The following ANKS1B variants were observed in gnomAD, a reference collection of about 807,000 sequenced individuals.
ANKS1B encodes the protein ankyrin repeat and sterile alpha motif domain-containing protein 1B.
In ANKS1B, 36 loss-of-function variants were observed where a neutral mutation model predicts 148.3. The ratio of observed to expected loss-of-function variants is 0.24; its 90% CI spans 0.19 to 0.32. The LOEUF is 0.32. Among genes scored for constraint, ANKS1B ranks in the 10% least tolerant of loss-of-function variants. The pLI, the probability that ANKS1B is intolerant of heterozygous loss-of-function variation, is 1.00. For missense variants in ANKS1B, 1,157 were observed against 1,542.6 expected (o/e 0.75, Z 4.19); for synonymous variants, 542 against 560.8 (o/e 0.97, Z 0.47).
intron 15 of ANKS1B, chr12:99,099,796 C>T (rs756628175): frequency 6.6e-6 from 1 of 152,094 alleles, no homozygotes. Flanking sequence ...TTACACAGAA[C>T]ATTAAATAGT....
At chr12:99,953,637 G>A (rs2095266710) in intron 1 of ANKS1B, among the ~76,000 whole-genome samples, 1 of 151,792 alleles carries the variant, frequency 6.6e-6, no homozygotes, top group African/African-American at 2.4e-5. Flanking sequence ...AAAGATTTGA[G>A]GAAAGAATGT....
At chr12:98,969,436 T>C (rs1374994683) in intron 17 of ANKS1B, among the ~76,000 whole-genome samples, 1 of 152,158 alleles carries the variant, frequency 6.6e-6, no homozygotes, top group Non-Finnish European at 1.5e-5. Flanking sequence ...TCTATGGGCA[T>C]TTTTGTTGTT....
intron 4 of ANKS1B, among the ~76,000 whole-genome samples, chr12:99,798,459 CAACTTA>C (rs1223329155): frequency 8.0e-5 from 12 of 149,382 alleles, no homozygotes; most frequent in Non-Finnish European, 1.6e-4. Context: ...GATAACAACT[CAACTTA>C]GTGTTTGACA....
chr12:98,805,077 A>G (rs1018377798), intron 20 of ANKS1B, among the ~76,000 whole-genome samples: 47 of 152,310 alleles, frequency 3.1e-4, no homozygotes, highest in African/African-American at 9.4e-4. Flanking sequence ...TTATTGACAC[A>G]GTGGTCTTTG....
intron 1 of ANKS1B, among the ~76,000 whole-genome samples, chr12:99,908,102 G>T (rs11110116): frequency 6.6e-6 from 1 of 152,102 alleles, no homozygotes; most frequent in Non-Finnish European, 1.5e-5. Flanking sequence ...GTTGAAATCA[G>T]AATAATAGCA....
At chr12:99,852,111 T>C (rs2087973041) in intron 1 of ANKS1B, among the ~76,000 whole-genome samples, 1 of 152,214 alleles carries the variant, frequency 6.6e-6, no homozygotes, top group African/African-American at 2.4e-5. Flanking sequence ...AATTAATTAA[T>C]GGTCAAAGGT....
At chr12:99,617,944 C>T (rs1198409200) in intron 9 of ANKS1B, among the ~76,000 whole-genome samples, 2 of 151,990 alleles carry the variant, frequency 1.3e-5, no homozygotes, top group Admixed American at 6.6e-5. Context: ...CCTCCAATAG[C>T]CTCTCTTTTG....
intron 1 of ANKS1B, among the ~76,000 whole-genome samples, chr12:99,961,992 T>C (rs766978180): frequency 1.3e-5 from 2 of 152,134 alleles, no homozygotes; most frequent in Non-Finnish European, 2.9e-5. Flanking sequence ...AAGAAAAGAG[T>C]AGAAATCACG....
At chr12:98,951,012 G>T (rs2099853313) in intron 17 of ANKS1B, among the ~76,000 whole-genome samples, 1 of 152,058 alleles carries the variant, frequency 6.6e-6, no homozygotes, top group South Asian at 2.1e-4. Flanking sequence ...GGGGCTCAAT[G>T]AATAGGGCCC....
At chr12:99,975,383 T>G (rs2095613611) in intron 1 of ANKS1B, among the ~76,000 whole-genome samples, 1 of 152,168 alleles carries the variant, frequency 6.6e-6, no homozygotes, top group South Asian at 2.1e-4. Flanking sequence ...TTTTTGGTGG[T>G]AAAGAAAGGA....
chr12:98,934,761 A>G (rs570481422), intron 17 of ANKS1B, among the ~76,000 whole-genome samples: 1 of 151,352 alleles, frequency 6.6e-6, no homozygotes, highest in Non-Finnish European at 1.5e-5. Flanking sequence ...CTTTTTTCAG[A>G]TAGTTCATTG....
intron 15 of ANKS1B, among the ~76,000 whole-genome samples, chr12:99,125,848 G>A (rs930125346): frequency 4.6e-5 from 7 of 151,686 alleles, no homozygotes; most frequent in African/African-American, 1.7e-4. Flanking sequence ...ATAAATACCT[G>A]ATACTTTCAA....
At chr12:99,478,770 A>T (rs2096365532) in intron 10 of ANKS1B, among the ~76,000 whole-genome samples, 2 of 152,112 alleles carry the variant, frequency 1.3e-5, no homozygotes, top group African/African-American at 4.8e-5. Context: ...GTGAAGCTGA[A>T]ATAAACTTTC....
At chr12:99,792,181 T>C (rs190688284) in intron 4 of ANKS1B, among the ~76,000 whole-genome samples, 10 of 151,852 alleles carry the variant, frequency 6.6e-5, no homozygotes, top group Admixed American at 1.3e-4. Context: ...TACAATCTAC[T>C]AAAATTGAAC....
intron 22 of ANKS1B, among the ~76,000 whole-genome samples, chr12:98,787,111 C>T (rs760956002): frequency 6.6e-6 from 1 of 152,058 alleles, no homozygotes; most frequent in South Asian, 2.1e-4. Flanking sequence ...GTTTGGTAGC[C>T]CTAAGTGACT....
intron 17 of ANKS1B, among the ~76,000 whole-genome samples, chr12:98,972,764 T>C (rs1303735963): frequency 6.6e-6 from 1 of 152,194 alleles, no homozygotes; most frequent in Non-Finnish European, 1.5e-5. Flanking sequence ...ATAGGAAGAC[T>C]GGTATTTTGC....
intron 12 of ANKS1B, among the ~76,000 whole-genome samples, chr12:99,382,314 A>G (rs775205277): frequency 9.2e-5 from 14 of 152,206 alleles, no homozygotes; most frequent in Non-Finnish European, 1.9e-4. Flanking sequence ...GTCAGGTAAC[A>G]ACTAATGTCC....
Position 99,139,426 on chromosome 12 carries a change from CTTTCTTTCTTTCTT to C in ANKS1B, c.2526+14849_2526+14862del, listed in dbSNP as rs1362185659. The stretch of plus-strand genomic sequence containing the variant: ...TCTTTCTTTCTTTCTTTCTTTCTTT[CTTTCTTTCTTTCTT>C]TTTCTTTCTTTCTTTCTTTCAAGAT... On this transcript the variant is annotated intron_variant, in intron 15 of 26. Coordinates refer to ENST00000683438, the MANE Select transcript of ANKS1B (RefSeq NM_001352186.2). Among the ~76,000 whole-genome samples the C allele has an allele frequency of 3.2e-3, 18 of 5,698 alleles. 3 individuals carry two copies. Among genetic ancestry groups the C allele is most frequent in the African/African-American group, 0.013 (4 of 316 alleles). 3.7% of individuals were successfully genotyped at this position (5,698 alleles called of 152,430 possible). A position where few individuals can be genotyped will look rare whatever the true frequency, so the allele number is the denominator to read the frequency against.
chr12:98,900,159 G>A (rs1360302802), intron 17 of ANKS1B, among the ~76,000 whole-genome samples: 1 of 152,144 alleles, frequency 6.6e-6, no homozygotes, highest in Admixed American at 6.5e-5. Context: ...AGACACACCA[G>A]TTTCCATGGA....
Sources: allele counts gnomAD v4.1 joint callset (sites outside exome capture counted in the v4.1 genomes callset), GRCh38; gene constraint gnomAD v4.1.1; transcripts MANE v1.5; gene names NCBI Gene and HGNC (gene_info 2026-07-23, HGNC 2026-07-21).